RBFOX1: variants seen among roughly 807,000 people sequenced by gnomAD.
RBFOX1 encodes RNA binding protein fox-1 homolog 1.
In RBFOX1, 8 loss-of-function variants were observed where a neutral mutation model predicts 57.7. The ratio of observed to expected loss-of-function variants is 0.14; its 90% CI spans 0.08 to 0.25. The LOEUF (loss-of-function observed/expected upper bound fraction) is 0.25. RBFOX1 is among the 10% of genes least tolerant of loss of function. The pLI, the probability that RBFOX1 is intolerant of heterozygous loss-of-function variation, is 1.00. For synonymous variants in RBFOX1, 326 were observed against 222.4 expected (o/e 1.47, Z -4.15); for missense variants, 611 against 548.5 (o/e 1.11, Z -1.14).
chr16:6,637,430 T>TAATATAATATATAAATATATTA (rs1555636558), intron 2 of RBFOX1, among the ~76,000 whole-genome samples: 1 of 23,496 alleles, frequency 4.3e-5, no homozygotes, highest in Non-Finnish European at 8.1e-5. Context: ...TATAAATATA[T>TAATATAATATATAAATATATTA]TATATAAATA....
intron 1 of RBFOX1, among the ~76,000 whole-genome samples, chr16:6,047,410 G>A (rs111468579): frequency 3.4e-4 from 52 of 152,296 alleles, no homozygotes; most frequent in African/African-American, 9.9e-4. Flanking sequence ...TGAAAGATGA[G>A]ATTTCTCTGA....
At chr16:5,295,424 A>G (rs925153706) in intron 1 of RBFOX1, among the ~76,000 whole-genome samples, 21 of 152,234 alleles carry the variant, frequency 1.4e-4, no homozygotes, top group African/African-American at 3.9e-4. Context: ...TCTGTGGGTC[A>G]GGAATCTAGG....
At chr16:7,571,990 G>A (rs2092823865) in intron 5 of RBFOX1, among the ~76,000 whole-genome samples, 2 of 152,170 alleles carry the variant, frequency 1.3e-5, no homozygotes, top group Admixed American at 1.3e-4. Flanking sequence ...AGCTGGGCTT[G>A]GTGGCACATG....
chr16:7,670,690 G>C (rs1262199596), intron 13 of RBFOX1, among the ~76,000 whole-genome samples: 1 of 152,164 alleles, frequency 6.6e-6, no homozygotes, highest in Non-Finnish European at 1.5e-5. Flanking sequence ...ATTTAAACTG[G>C]AAAGGCAGGC....
rs1332371118 is a variant in RBFOX1 at position 7,712,778 on chromosome 16, A to AAAGAGTAGG, written c.*2035_*2043dup. 3 of 152,220 alleles carry AAAGAGTAGG rather than the reference A, an allele frequency of 2.0e-5. No homozygotes were observed. The highest frequency in any genetic ancestry group is 4.4e-5 in the Non-Finnish European group (3 of 68,038). The allele number at this position is 152,220 out of a possible 1,614,324, so 9.4% of individuals were successfully genotyped here. Reference sequence around the variant, plus strand: ...CACTATGACATCCTCCAGAGGGAAGAAAGAGTAGGAGCAGGGGGCTATGGA... The same window carrying AAAGAGTAGG: ...CACTATGACATCCTCCAGAGGGAAGAAAGAGTAGGAAGAGTAGGAGCAGGGGGCTATGGA... On this transcript the variant is annotated 3_prime_UTR_variant, in exon 16 of 16. Coordinates refer to ENST00000550418, the MANE Select transcript of RBFOX1 (RefSeq NM_018723.4).
chr16:7,052,403 TAAC>T (rs1445980296), intron 4 of RBFOX1, among the ~76,000 whole-genome samples: 2 of 152,216 alleles, frequency 1.3e-5, no homozygotes, highest in East Asian at 1.9e-4. Flanking sequence ...GTCTAAGTAA[TAAC>T]AAAGGTCAAA....
intron 4 of RBFOX1, among the ~76,000 whole-genome samples, chr16:7,267,653 G>A (rs140155384): frequency 1.3e-5 from 2 of 152,058 alleles, no homozygotes; most frequent in African/African-American, 4.8e-5. Context: ...TCAGGAGTTC[G>A]AGACCAGCCT....
At chr16:7,045,047 G>A (rs2047431704) in intron 3 of RBFOX1, among the ~76,000 whole-genome samples, 1 of 152,168 alleles carries the variant, frequency 6.6e-6, no homozygotes, top group African/African-American at 2.4e-5. Flanking sequence ...GCAATGGACA[G>A]CTCTTTCTTC....
intron 9 of RBFOX1, 143 bp from the exon 10 acceptor site, chr16:7,607,142 T>A: frequency 1.6e-6 from 1 of 641,756 alleles, no homozygotes. Flanking sequence ...TTTAAGTATT[T>A]TTATGCATGC....
chr16:6,269,237 AGTT>A (rs1374669646), intron 1 of RBFOX1, among the ~76,000 whole-genome samples: 1 of 152,126 alleles, frequency 6.6e-6, no homozygotes, highest in Non-Finnish European at 1.5e-5. Flanking sequence ...AGTAGTAAAT[AGTT>A]GTTATACTGT....
chr16:6,749,417 C>T (rs1361508495), intron 3 of RBFOX1, among the ~76,000 whole-genome samples: 2 of 152,160 alleles, frequency 1.3e-5, no homozygotes, highest in Non-Finnish European at 2.9e-5. Flanking sequence ...GACCCTGGTT[C>T]TTGCTGTTAC....
intron 1 of RBFOX1, among the ~76,000 whole-genome samples, chr16:5,415,757 T>C (rs1467296651): frequency 6.6e-6 from 1 of 152,182 alleles, no homozygotes; most frequent in African/African-American, 2.4e-5. Flanking sequence ...AGAGAAAATA[T>C]TAAGGAACTG....
intron 3 of RBFOX1, among the ~76,000 whole-genome samples, chr16:5,751,794 C>A (rs961055685): frequency 6.6e-6 from 1 of 152,148 alleles, no homozygotes; most frequent in African/African-American, 2.4e-5. Flanking sequence ...TATATTAAAC[C>A]CATTTTAATG....
chr16:7,367,235 T>C (rs965710606), intron 4 of RBFOX1, among the ~76,000 whole-genome samples: 6 of 152,172 alleles, frequency 3.9e-5, no homozygotes, highest in Admixed American at 3.9e-4. Flanking sequence ...GACGAGACTG[T>C]AAATCAGCAC....
intron 4 of RBFOX1, among the ~76,000 whole-genome samples, chr16:7,234,354 T>C (rs1341790957): frequency 1.3e-5 from 2 of 152,096 alleles, no homozygotes; most frequent in Non-Finnish European, 2.9e-5. Flanking sequence ...GAGGAATCTA[T>C]TTGGTTTTGG....
At chr16:7,049,424 C>T (rs926956022) in intron 3 of RBFOX1, among the ~76,000 whole-genome samples, 1 of 151,726 alleles carries the variant, frequency 6.6e-6, no homozygotes, top group Non-Finnish European at 1.5e-5. Flanking sequence ...GAGACTGCAG[C>T]ATAAGAGGAC....
chr16:5,800,068 C>T (rs1303665850), intron 3 of RBFOX1, among the ~76,000 whole-genome samples: 1 of 151,596 alleles, frequency 6.6e-6, no homozygotes, highest in Non-Finnish European at 1.5e-5. Context: ...TAAGTATATA[C>T]ATATACATGT....
chr16:5,805,897 A>G (rs893914885), intron 3 of RBFOX1, among the ~76,000 whole-genome samples: 1 of 152,208 alleles, frequency 6.6e-6, no homozygotes, highest in Non-Finnish European at 1.5e-5. Context: ...GGCACAGAAT[A>G]GAGTGGATAA....
chr16:7,321,487 G>C (rs891096744), intron 4 of RBFOX1, among the ~76,000 whole-genome samples: 1 of 152,072 alleles, frequency 6.6e-6, no homozygotes, highest in Admixed American at 6.6e-5. Context: ...CATGAAATAC[G>C]TGGAAAGGCA....
Sources: gnomAD v4.1 joint callset for allele counts (sites outside exome capture counted in the v4.1 genomes callset) on GRCh38, gnomAD v4.1.1 for gene constraint, MANE v1.5 for transcripts, NCBI Gene and HGNC (gene_info 2026-07-23, HGNC 2026-07-21) for gene names.